ROR2: variants seen among roughly 807,000 people sequenced by gnomAD.
The protein encoded by ROR2 is tyrosine-protein kinase transmembrane receptor ROR2.
A neutral mutation model predicts 74.9 loss-of-function variants in ROR2; 33 were observed. The ratio of observed to expected loss-of-function variants is 0.44; its 90% CI spans 0.33 to 0.59. The LOEUF is 0.59. ROR2 is among the 20% of genes least tolerant of loss of function. The pLI is 0.02. For synonymous variants in ROR2, 586 were observed against 558.7 expected, an observed-to-expected ratio of 1.05 and a Z score of -0.69; for missense variants, 1,216 against 1,313.8, an observed-to-expected ratio of 0.93 and a Z score of 1.15.
chr9:91,769,736 C>T (rs1417604751), intron 2 of ROR2, among the ~76,000 whole-genome samples: 4 of 152,174 alleles, frequency 2.6e-5, no homozygotes, highest in Non-Finnish European at 5.9e-5. Context: ...ACAGCCAGCA[C>T]CGCTCACTCC....
At chr9:91,911,320 G>A (rs1025284200) in intron 1 of ROR2, among the ~76,000 whole-genome samples, 1 of 152,146 alleles carries the variant, frequency 6.6e-6, no homozygotes, top group Admixed American at 6.5e-5. Context: ...ACACAGACCT[G>A]GATGGTACAG....
intron 1 of ROR2, among the ~76,000 whole-genome samples, chr9:91,829,552 A>AAAAAAAAAAAAAAC: frequency 6.8e-6 from 1 of 145,986 alleles, no homozygotes; most frequent in African/African-American, 2.6e-5. Context: ...TCCGTCTCAA[A>AAAAAAAAAAAAAAC]AAAAAAAAAA....
At chr9:91,821,168 CAG>C (rs1041389291) in intron 1 of ROR2, among the ~76,000 whole-genome samples, 3 of 151,646 alleles carry the variant, frequency 2.0e-5, no homozygotes, top group South Asian at 4.2e-4. Flanking sequence ...TGTGAGGACA[CAG>C]GGAGAAGACA....
At chr9:91,935,549 C>A (rs1343076635) in intron 1 of ROR2, among the ~76,000 whole-genome samples, 2 of 152,230 alleles carry the variant, frequency 1.3e-5, no homozygotes, top group Non-Finnish European at 2.9e-5. Flanking sequence ...CCCCACAATT[C>A]CAGCCGCCAT....
At chr9:91,758,623 G>C (rs533092894) in intron 2 of ROR2, among the ~76,000 whole-genome samples, 1 of 152,328 alleles carries the variant, frequency 6.6e-6, no homozygotes, top group Admixed American at 6.5e-5. Flanking sequence ...AAAGCACCCA[G>C]AATGGGGAGT....
rs2118614731 is a variant in ROR2 at position 91,724,326 on chromosome 9, G to T, written c.2168C>A (p.Ala723Asp). ...CTCGTTCCAGCACTCGATCATGAGG[G>T]CATACACCCAGGCGGGACAGTCATC... ...CPDDCPAWVY[A>D]LMIECWNEFP... The change falls in exon 9 of 9, where the codon GCC (alanine) becomes GAC (aspartate). Residue 723 changes from alanine (A) to aspartate (D), a missense_variant. Physicochemically the swap from Ala to Asp is moderately radical, Grantham distance 126 (BLOSUM62 -2). Transcript: ENST00000375708. 6.2e-7 allele frequency: 1 copy of T among 1,613,244 alleles called. No individual in the cohort carries two copies. The highest frequency in any genetic ancestry group is 8.5e-7 in the Non-Finnish European group (1 of 1,180,030).
chr9:91,854,089 C>T (rs1038950574), intron 1 of ROR2, among the ~76,000 whole-genome samples: 2 of 152,152 alleles, frequency 1.3e-5, no homozygotes, highest in Non-Finnish European at 2.9e-5. Context: ...GGCAACACCA[C>T]GCAAGACACT....
intron 1 of ROR2, among the ~76,000 whole-genome samples, chr9:91,860,892 C>T (rs1288272166): frequency 6.6e-6 from 1 of 152,014 alleles, no homozygotes; most frequent in Non-Finnish European, 1.5e-5. Context: ...CTAGCGGACA[C>T]CTAAAATTAA....
intron 1 of ROR2, among the ~76,000 whole-genome samples, chr9:91,842,790 T>C (rs1828822748): frequency 2.0e-5 from 3 of 152,200 alleles, no homozygotes; most frequent in Non-Finnish European, 4.4e-5. Flanking sequence ...CACCTGTCAC[T>C]GATGTGCTGC....
chr9:91,883,344 A>C (rs1830174018), intron 1 of ROR2: 1 of 152,180 alleles, frequency 6.6e-6, no homozygotes, highest in South Asian at 2.1e-4. Context: ...CAACTTGTTC[A>C]TTTCATCACT....
chr9:91,733,728 C>A lies in ROR2; in HGVS notation c.623-292G>T, dbSNP rs1824913447. Among the ~76,000 whole-genome samples the A allele has an allele frequency of 6.6e-6, 1 of 151,902 alleles. No homozygotes were observed. Among genetic ancestry groups the A allele is most frequent in the Non-Finnish European group, 1.5e-5 (1 of 68,050 alleles). On this transcript the variant is annotated intron_variant, in intron 5 of 8. Transcript: ENST00000375708. The surrounding 1 kb of genome is among the most constrained non-coding windows in gnomAD (Gnocchi z 5.7). Reference sequence around the variant, plus strand: ...AGAACAAGAAAGAAGGAAAACTCGGCCCCCTAGCTCACTCCGCTAGGTGCT... The same window carrying A: ...AGAACAAGAAAGAAGGAAAACTCGGACCCCTAGCTCACTCCGCTAGGTGCT...
chr9:91,869,478 G>A (rs907223068), intron 1 of ROR2, among the ~76,000 whole-genome samples: 2 of 152,176 alleles, frequency 1.3e-5, no homozygotes, highest in East Asian at 1.9e-4. Context: ...AATACTGCTC[G>A]GCAATAGAAA....
At chr9:91,743,644 C>T (rs929148333) in intron 4 of ROR2, among the ~76,000 whole-genome samples, 2 of 151,996 alleles carry the variant, frequency 1.3e-5, no homozygotes, top group African/African-American at 4.8e-5. Context: ...ACCACAAGAG[C>T]GTTACAGACC....
chr9:91,754,695 TAA>T (rs1454202168), intron 4 of ROR2, among the ~76,000 whole-genome samples: 1 of 152,084 alleles, frequency 6.6e-6, no homozygotes, highest in Non-Finnish European at 1.5e-5. Context: ...AAATATAAAA[TAA>T]GAGAGAACAA....
At chr9:91,827,252 A>G (rs192302587) in intron 1 of ROR2, among the ~76,000 whole-genome samples, 1 of 152,264 alleles carries the variant, frequency 6.6e-6, no homozygotes, top group Non-Finnish European at 1.5e-5. Flanking sequence ...TCAACATTAT[A>G]TTATAAAAAT....
chr9:91,850,361 A>G (rs1881388), intron 1 of ROR2, among the ~76,000 whole-genome samples: 2,243 of 152,342 alleles, frequency 0.015, 61 homozygotes, highest in African/African-American at 0.051. Flanking sequence ...TTACATGGCT[A>G]AGGGGACTTT....
chr9:91,791,075 C>T (rs930311371), intron 1 of ROR2, among the ~76,000 whole-genome samples: 2 of 152,070 alleles, frequency 1.3e-5, no homozygotes, highest in East Asian at 1.9e-4. Context: ...TTTATAAAAT[C>T]GACAGCAGTG....
At chr9:91,832,866 G>C (rs1457722816) in intron 1 of ROR2, among the ~76,000 whole-genome samples, 1 of 152,202 alleles carries the variant, frequency 6.6e-6, no homozygotes, top group Non-Finnish European at 1.5e-5. Context: ...CATCTTGGCA[G>C]AAATCGGGGC....
intron 4 of ROR2, among the ~76,000 whole-genome samples, chr9:91,741,937 G>A (rs1196260109): frequency 6.6e-6 from 1 of 152,156 alleles, no homozygotes; most frequent in African/African-American, 2.4e-5. Context: ...AAAGAAACAG[G>A]AAAATATAAC....
Sources: allele counts gnomAD v4.1 joint callset (sites outside exome capture counted in the v4.1 genomes callset), GRCh38; gene constraint gnomAD v4.1.1; non-coding constraint Gnocchi (gnomAD v3.1); transcripts MANE v1.5; gene names NCBI Gene and HGNC (gene_info 2026-07-23, HGNC 2026-07-21).